The following ZMYM2 variants were observed in gnomAD, a reference collection of about 807,000 sequenced individuals.
ZMYM2 encodes the protein zinc finger MYM-type protein 2.
Under a neutral mutation model 162.8 loss-of-function variants are expected in ZMYM2, and 56 were observed. The ratio of observed to expected loss-of-function variants is 0.34; its 90% CI spans 0.28 to 0.43. The LOEUF (loss-of-function observed/expected upper bound fraction) is 0.43, where lower values mean the gene tolerates loss of function less well. Among genes scored for constraint, ZMYM2 ranks in the 20% least tolerant of loss-of-function variants. The pLI, the probability that ZMYM2 is intolerant of heterozygous loss-of-function variation, is 1.00. For missense variants in ZMYM2, 1,275 were observed against 1,621.8 expected (o/e 0.79, Z 3.67); for synonymous variants, 510 against 541.6 (o/e 0.94, Z 0.81).
intron 2 of ZMYM2, among the ~76,000 whole-genome samples, chr13:19,984,591 G>A (rs148058667): frequency 1.7e-3 from 259 of 152,362 alleles, no homozygotes; most frequent in African/African-American, 6.0e-3. Context: ...TTGACTGGAG[G>A]TAGAAGAGTG....
At chr13:19,947,759 G>A in the ZMYM2 span, among the ~76,000 whole-genome samples, 1 of 152,102 alleles carries the variant, frequency 6.6e-6, no homozygotes, top group South Asian at 2.1e-4. Flanking sequence ...TTCCCAGAGT[G>A]CTGGGATTAC....
the ZMYM2 span, among the ~76,000 whole-genome samples, chr13:19,909,173 A>G: frequency 1.3e-5 from 2 of 152,084 alleles, no homozygotes; most frequent in African/African-American, 2.4e-5. Context: ...TAATTGCTTA[A>G]TGTTTCTGTC....
At chr13:19,962,515 A>ATATATATATATATATTTT (rs1371972440) in intron 2 of ZMYM2, among the ~76,000 whole-genome samples, 4 of 38,928 alleles carry the variant, frequency 1.0e-4, no homozygotes, top group African/African-American at 2.6e-4. Context: ...ATATATATAT[A>ATATATATATATATATTTT]TTTTTTTTTT....
At position 19,995,018 on chromosome 13, in the gene ZMYM2, AAT is replaced by A. The variant is rs1555292384; in HGVS notation, c.847+1100_847+1101del. 8.6e-3 allele frequency among the ~76,000 whole-genome samples: 1,272 copies of A among 148,532 alleles called. 28 individuals carry two copies. The highest frequency in any genetic ancestry group is 0.03 in the African/African-American group (1,198 of 40,376). ...TGGCTAAATTAAAAAAAAAAAAAAA[AAT>A]TATTTGTAGAGACGGAGTCTTACTG... On this transcript the variant is annotated intron_variant, in intron 3 of 24. Coordinates refer to ENST00000610343, the MANE Select transcript of ZMYM2 (RefSeq NM_197968.4).
At position 20,083,049 on chromosome 13, in the gene ZMYM2, C is replaced by T. The variant is rs779841033; in HGVS notation, c.3820+17C>T. On this transcript the variant is annotated intron_variant, in intron 23 of 24. Transcript: ENST00000610343. ...ATAATGAAGGTAGTGTAACAGATTT[C>T]TATTTTTATTTTTATTTTTAAATTT... 4.6e-6 allele frequency: 7 copies of T among 1,536,908 alleles called. No homozygotes were observed. The highest frequency in any genetic ancestry group is 1.3e-5 in the South Asian group (1 of 78,930).
chr13:20,023,157 A>G (rs1952267484), intron 7 of ZMYM2, among the ~76,000 whole-genome samples: 1 of 152,208 alleles, frequency 6.6e-6, no homozygotes, highest in South Asian at 2.1e-4. Flanking sequence ...GTTGCCTCCA[A>G]TCAGAGTGAA....
chr13:19,959,723 C>T (rs1021630081), intron 1 of ZMYM2: 1 of 152,394 alleles, frequency 6.6e-6, no homozygotes, highest in Non-Finnish European at 1.5e-5. Context: ...CCTTAGGCCC[C>T]CTCCCTTCCA....
At chr13:20,065,333 C>T (rs1956591786) in intron 19 of ZMYM2, among the ~76,000 whole-genome samples, 1 of 151,968 alleles carries the variant, frequency 6.6e-6, no homozygotes, top group African/African-American at 2.4e-5. Flanking sequence ...AATGTAAGAG[C>T]TAACAATATA....
chr13:19,971,244 G>GTGTATATATATATATATATATATA (rs5802035), intron 2 of ZMYM2, among the ~76,000 whole-genome samples: 1 of 50,134 alleles, frequency 2.0e-5, no homozygotes, highest in African/African-American at 6.5e-5. Flanking sequence ...GTGTGTGTGT[G>GTGTATATATATATATATATATATA]TATATATATA....
chr13:20,070,047 C>T (rs993084216), intron 21 of ZMYM2, among the ~76,000 whole-genome samples: 1 of 152,030 alleles, frequency 6.6e-6, no homozygotes, highest in Non-Finnish European at 1.5e-5. Flanking sequence ...TAAGACCTCC[C>T]ACTTGCTTAT....
chr13:19,969,983 G>T, intron 2 of ZMYM2: 1 of 942,580 alleles, frequency 1.1e-6, no homozygotes. Flanking sequence ...TTGGATCTCT[G>T]GTCTCATTTG....
chr13:19,905,410 A>G, the ZMYM2 span, among the ~76,000 whole-genome samples: 7 of 152,294 alleles, frequency 4.6e-5, no homozygotes, highest in East Asian at 1.4e-3. Context: ...CAACGCCTAG[A>G]GATAGTGAAG....
At chr13:20,016,070 T>C (rs936563615) in intron 6 of ZMYM2, among the ~76,000 whole-genome samples, 4 of 152,032 alleles carry the variant, frequency 2.6e-5, no homozygotes, top group Non-Finnish European at 4.4e-5. Flanking sequence ...GTATATTCTA[T>C]ACCTTTTTTT....
intron 6 of ZMYM2, among the ~76,000 whole-genome samples, chr13:20,010,234 T>TA (rs1456189781): frequency 1.8e-4 from 28 of 152,154 alleles, no homozygotes; most frequent in African/African-American, 6.5e-4. Context: ...CTCGCTCTGT[T>TA]ACCCAGGTTG....
chr13:19,925,704 C>A, the ZMYM2 span, among the ~76,000 whole-genome samples: 2 of 151,666 alleles, frequency 1.3e-5, no homozygotes, highest in African/African-American at 2.4e-5. Context: ...GAAACCCCAT[C>A]TACACTAAAA....
At chr13:20,040,922 TTC>T (rs367605248) in intron 12 of ZMYM2, among the ~76,000 whole-genome samples, 1 of 152,332 alleles carries the variant, frequency 6.6e-6, no homozygotes, top group African/African-American at 2.4e-5. Flanking sequence ...TTGAATGGAT[TTC>T]TTAGTCTTGA....
the ZMYM2 span, among the ~76,000 whole-genome samples, chr13:19,929,027 T>C: frequency 6.6e-6 from 1 of 152,220 alleles, no homozygotes; most frequent in Admixed American, 6.5e-5. Context: ...CTATTGCTAG[T>C]ATATAAAAAT....
the ZMYM2 span, among the ~76,000 whole-genome samples, chr13:19,913,216 A>T: frequency 6.6e-6 from 1 of 152,144 alleles, no homozygotes; most frequent in Non-Finnish European, 1.5e-5. Context: ...CTCAGCAGAT[A>T]ACTACTCTCT....
chr13:19,963,794 G>A (rs1054061906), intron 2 of ZMYM2, among the ~76,000 whole-genome samples: 1 of 152,008 alleles, frequency 6.6e-6, no homozygotes, highest in Non-Finnish European at 1.5e-5. Flanking sequence ...GCACTTCTGT[G>A]GAGCTGCAGA....
Sources: allele counts gnomAD v4.1 joint callset (sites outside exome capture counted in the v4.1 genomes callset), GRCh38; gene constraint gnomAD v4.1.1; transcripts MANE v1.5; gene names NCBI Gene and HGNC (gene_info 2026-07-23, HGNC 2026-07-21).